The following ROGDI variants were observed in gnomAD, a reference collection of about 807,000 sequenced individuals.
The protein encoded by ROGDI is protein rogdi homolog.
A neutral mutation model predicts 43.1 loss-of-function variants in ROGDI; 46 were observed. That is an observed-to-expected ratio of 1.07 (90% confidence interval 0.84 to 1.37). The LOEUF is 1.37. ROGDI is among the 40% of genes most tolerant of loss of function. The pLI, the probability that ROGDI is intolerant of heterozygous loss-of-function variation, is 0.00. For missense variants in ROGDI, 518 were observed against 383.9 expected (o/e 1.35, Z -2.92); for synonymous variants, 243 against 162.0 (o/e 1.50, Z -3.80).
chr16:4,799,060 G>C (rs1181654281), intron 6 of ROGDI, among the ~76,000 whole-genome samples: 1 of 152,080 alleles, frequency 6.6e-6, no homozygotes, highest in Non-Finnish European at 1.5e-5. Flanking sequence ...TTTTCAGGGG[G>C]GTAAGCCAGG....
Position 4,798,644 on chromosome 16 carries a change from C to A in ROGDI, c.456G>T (p.Gln152His), listed in dbSNP as rs776125883. ...TGAGCCGGTTTCGGGCTCTGGTCAGCTGCAGCATCACTGCGTCCATCAGCT... is the reference window on the plus strand; with the variant it reads ...TGAGCCGGTTTCGGGCTCTGGTCAGATGCAGCATCACTGCGTCCATCAGCT... ...VLKLMDAVML[Q>H]LTRARNRLTT... is the part of the protein sequence containing the mutation. Residue 152 changes from glutamine (Q) to histidine (H), a missense_variant, in exon 7 of 11, where the codon CAG becomes CAT. Coordinates refer to ENST00000322048, the MANE Select transcript of ROGDI (RefSeq NM_024589.3). The A allele has an allele frequency of 6.4e-7, 1 of 1,572,716 alleles. No homozygotes were observed.
At chr16:4,799,400 C>A (rs2082691203) in intron 6 of ROGDI, among the ~76,000 whole-genome samples, 1 of 152,136 alleles carries the variant, frequency 6.6e-6, no homozygotes, top group Non-Finnish European at 1.5e-5. Flanking sequence ...GTGCCCAGGT[C>A]AGCTCTTCAC....
Position 4,798,648 on chromosome 16 carries a change from A to G in ROGDI, c.452T>C (p.Leu151Pro). 6.4e-7 allele frequency: 1 copy of G among 1,571,288 alleles called. No homozygotes were observed. The highest frequency in any genetic ancestry group is 2.3e-5 in the East Asian group (1 of 43,740). Residue 151 changes from leucine to proline, a missense_variant, in exon 7 of 11, where the codon CTG (leucine) becomes CCG (proline). Coordinates refer to ENST00000322048, the MANE Select transcript of ROGDI (RefSeq NM_024589.3). ...EVLKLMDAVM[L>P]QLTRARNRLT... ...CCGGTTTCGGGCTCTGGTCAGCTGC[A>G]GCATCACTGCGTCCATCAGCTGCAG...
rs1369254894 is a variant in ROGDI at position 4,801,616 on chromosome 16, T to A, written c.118-31A>T. 5 of 1,554,008 alleles carry A rather than the reference T, an allele frequency of 3.2e-6. No individual in the cohort carries two copies. The East Asian group carries it at 7.0e-5, about 22-fold the overall frequency. On this transcript the variant is annotated intron_variant, in intron 2 of 10. Coordinates refer to ENST00000322048, the MANE Select transcript of ROGDI (RefSeq NM_024589.3). ...GAACAGAGGGAAGGAGGGGAGCTGGTAGCGCCCACTCAGGCCCGGCCCAGT... is the reference window on the plus strand; with the variant it reads ...GAACAGAGGGAAGGAGGGGAGCTGGAAGCGCCCACTCAGGCCCGGCCCAGT...
In ROGDI at chr16:4,800,454, G is replaced by A. The variant is rs746381981; in HGVS notation, c.336+44C>T. ...GAGGCCCCGCGGCAGGCCTGCTGCC[G>A]CCTGTCCTTGTGGCTGAGCACTAGC... On this transcript the variant is annotated intron_variant, in intron 5 of 10. Coordinates refer to ENST00000322048, the MANE Select transcript of ROGDI (RefSeq NM_024589.3). 54 of 1,495,958 alleles carry A rather than the reference G, an allele frequency of 3.6e-5. No homozygotes were observed. In the South Asian group the frequency reaches 5.4e-4, roughly 15 times the overall value. 92.7% of individuals were successfully genotyped at this position (1,495,958 alleles called of 1,614,324 possible).
Position 4,798,134 on chromosome 16 carries a change from G to A in ROGDI, c.582C>T (p.Ile194=). 1 of 1,614,050 alleles carries A rather than the reference G, an allele frequency of 6.2e-7. No homozygotes were observed. The highest frequency in any genetic ancestry group is 8.5e-7 in the Non-Finnish European group (1 of 1,179,950). The change falls in exon 8 of 11, where the codon ATC becomes ATT. Residue 194 remains isoleucine, a synonymous_variant. Coordinates refer to ENST00000322048, the MANE Select transcript of ROGDI (RefSeq NM_024589.3). ...CCGTGAGGCAGAGCTTGTTGAGGTT[G>A]ATGTAGACGTTGACCAGCAGGTCGG... The part of the protein sequence containing the change: ...LPSDLLVNVY[I]NLNKLCLTVY...
At position 4,802,410 on chromosome 16, in the gene ROGDI, A is replaced by G; in HGVS notation, c.89T>C (p.Val30Ala). The G allele has an allele frequency of 6.5e-7, 1 of 1,548,906 alleles. No homozygotes were observed. ...GAGGATGTCCTGCAGCTGCTTCAAC[A>G]CAGCGTGCACCTCGTCGTGCAGCAG... Reference protein sequence around the residue: ...RWLLHDEVHAVLKQLQDILKE... With the variant: ...RWLLHDEVHAALKQLQDILKE... The change falls in exon 2 of 11, where the codon GTG becomes GCG. Residue 30 changes from valine (V) to alanine (A), a missense_variant. Val to Ala is a moderately conservative substitution (Grantham distance 64). Transcript: ENST00000322048.
chr16:4,799,605 G>T, intron 6 of ROGDI, 81 bp downstream of exon 6: 4 of 999,478 alleles, frequency 4.0e-6, no homozygotes, highest in Non-Finnish European at 6.1e-6. Context: ...CAACGTGGAG[G>T]CCCTGGGATT....
chr16:4,802,042 C>G (rs764653921), intron 2 of ROGDI: 1 of 593,064 alleles, frequency 1.7e-6, no homozygotes, highest in South Asian at 1.5e-5. Context: ...AAGGGAGGCC[C>G]AGGGAGGTTC....
chr16:4,798,251 GCAGTCA>G, intron 7 of ROGDI, 67 bp from the exon 8 acceptor site: 5 of 1,322,828 alleles, frequency 3.8e-6, no homozygotes, highest in Non-Finnish European at 5.4e-6. Context: ...GCGGGGCTCT[GCAGTCA>G]CTCATGGAGT....
At chr16:4,798,778 G>T in intron 6 of ROGDI, 111 bp from the exon 7 acceptor site, 1 of 906,058 alleles carries the variant, frequency 1.1e-6, no homozygotes, top group Non-Finnish European at 1.7e-6. Flanking sequence ...CTGTTCCCAG[G>T]TCCCGAAACC....
At position 4,801,222 on chromosome 16, in the gene ROGDI, C is replaced by T. The variant is rs142747522; in HGVS notation, c.255+45G>A. ...GAGAGAAAGTGGGAGCTCCCATGCT[C>T]TTCCCCATTGGCAGGATGGGAGGGG... On this transcript the variant is annotated intron_variant, in intron 4 of 10. Coordinates refer to ENST00000322048, the MANE Select transcript of ROGDI (RefSeq NM_024589.3). 38 of 1,524,650 alleles carry T rather than the reference C, an allele frequency of 2.5e-5. No individual in the cohort carries two copies. In the Admixed American group the frequency reaches 6.4e-4, roughly 26 times the overall value. The allele number at this position is 1,524,650 out of a possible 1,614,324, so 94.4% of individuals were successfully genotyped here.
chr16:4,799,777 T>C lies in ROGDI; in HGVS notation c.341A>G (p.Gln114Arg). Residue 114 changes from glutamine to arginine, a missense_variant, in exon 6 of 11, where the codon CAG becomes CGG. Physicochemically the swap from Gln to Arg is conservative, Grantham distance 43. Transcript: ENST00000322048. Reference sequence around the variant, plus strand: ...TTGGCTCACATGGTTTCTGGCATCCTGGATCTGGAAGCAGGGGTCATCCAG... The same window carrying C: ...TTGGCTCACATGGTTTCTGGCATCCCGGATCTGGAAGCAGGGGTCATCCAG... ...EDKQWKLQQIQDARNHVSQAI... is the reference protein window; with the variant it reads ...EDKQWKLQQIRDARNHVSQAI... 1 of 1,612,734 alleles carries C rather than the reference T, an allele frequency of 6.2e-7. No homozygotes were observed. The highest frequency in any genetic ancestry group is 8.5e-7 in the Non-Finnish European group (1 of 1,179,106).
At chr16:4,800,809 GAAGA>G in intron 4 of ROGDI, 2 of 573,368 alleles carry the variant, frequency 3.5e-6, no homozygotes, top group Admixed American at 3.2e-5. Context: ...GGAAAGAGGT[GAAGA>G]AAGGGGAAGG....
Position 4,801,280 on chromosome 16 carries a change from G to T in ROGDI, c.242C>A (p.Ala81Asp). 1.2e-6 allele frequency: 2 copies of T among 1,607,716 alleles called. No individual in the cohort carries two copies. Among genetic ancestry groups the T allele is most frequent in the Non-Finnish European group, 1.7e-6 (2 of 1,175,746 alleles). Residue 81 changes from alanine to aspartate, a missense_variant, in exon 4 of 11, where the codon GCC becomes GAC. Ala to Asp is a moderately radical substitution (Grantham distance 126, BLOSUM62 -2). Coordinates refer to ENST00000322048, the MANE Select transcript of ROGDI (RefSeq NM_024589.3). ...CGGGGGACTCACCGCCTGGCTGAGGGCATCCCCCTGCAGAGTCAGCACACC... is the reference window on the plus strand; with the variant it reads ...CGGGGGACTCACCGCCTGGCTGAGGTCATCCCCCTGCAGAGTCAGCACACC... ...VKGVLTLQGD[A>D]LSQADVNLKM...
At position 4,802,589 on chromosome 16, in the gene ROGDI, G is replaced by A. The variant is rs377612573; in HGVS notation, c.-18C>T. 4.6e-6 allele frequency: 6 copies of A among 1,313,398 alleles called. No individual in the cohort carries two copies. The highest frequency in any genetic ancestry group is 4.2e-5 in the South Asian group (2 of 47,764). 81.4% of individuals were successfully genotyped at this position (1,313,398 alleles called of 1,614,324 possible). On this transcript the variant is annotated 5_prime_UTR_variant, in exon 1 of 11. Transcript: ENST00000322048. ...GTGGCCATGGCCGCAGGCCGCCGCC[G>A]AGCGCCCTCCCCACCGGCCGCTGCT... is the stretch of plus-strand genomic sequence containing the variant.
rs1448747163 is a variant in ROGDI, at chr16:4,797,414, AGGGGACG to A, written c.*39_*45del. 1 of 1,581,752 alleles carries A rather than the reference AGGGGACG, an allele frequency of 6.3e-7. No individual in the cohort carries two copies. Among genetic ancestry groups the A allele is most frequent in the Admixed American group, 1.7e-5 (1 of 57,854 alleles). On this transcript the variant is annotated 3_prime_UTR_variant, in exon 11 of 11. Transcript: ENST00000322048. The stretch of plus-strand genomic sequence containing the variant: ...CTGGTGCTCTGTGGTGGGTATGAGT[AGGGGACG>A]GGGCCGCCTTCCTGGAGACAAGCTC...
rs560408104 is a variant in ROGDI at position 4,802,296 on chromosome 16, G to A, written c.117+86C>T. 54 of 1,271,792 alleles carry A rather than the reference G, an allele frequency of 4.2e-5. 1 individual carries two copies. The Middle Eastern group carries it at 7.5e-4, about 18-fold the overall frequency. 78.8% of individuals were successfully genotyped at this position (1,271,792 alleles called of 1,614,324 possible). ...GGCAGCCGCACACTGTAGGCGCTCA[G>A]GACGCAGCCGCGCGGCCCCAGGTGG... is the stretch of plus-strand genomic sequence containing the variant. On this transcript the variant is annotated intron_variant, in intron 2 of 10. Transcript: ENST00000322048.
At chr16:4,800,042 G>A (rs1183351043) in intron 5 of ROGDI, among the ~76,000 whole-genome samples, 1 of 152,156 alleles carries the variant, frequency 6.6e-6, no homozygotes, top group Non-Finnish European at 1.5e-5. Flanking sequence ...GAGTTGCGGA[G>A]GGAAGCAAAC....
Sources: gnomAD v4.1 joint callset for allele counts (sites outside exome capture counted in the v4.1 genomes callset) on GRCh38, gnomAD v4.1.1 for gene constraint, MANE v1.5 for transcripts, NCBI Gene and HGNC (gene_info 2026-07-23, HGNC 2026-07-21) for gene names.